PADI2: variants seen among roughly 807,000 people sequenced by gnomAD.
PADI2 encodes the protein protein-arginine deiminase type-2.
PADI2 carries 70 observed loss-of-function variants against 81.1 expected under a neutral mutation model. The observed-to-expected ratio is 0.86, with a 90% CI of 0.71 to 1.05. The LOEUF (loss-of-function observed/expected upper bound fraction) is 1.05, where lower values mean the gene tolerates loss of function less well. Ranked by LOEUF, PADI2 falls within the 50% of genes least tolerant of loss-of-function variation. The probability of loss-of-function intolerance (pLI) is 0.00; values close to 1 mark genes in which losing one functional copy is unlikely to be tolerated. For synonymous variants in PADI2, 338 were observed against 358.0 expected (o/e 0.94, Z 0.63); for missense variants, 853 against 889.9 (o/e 0.96, Z 0.53).
chr1:17,102,899 C>T lies in PADI2; in HGVS notation c.349+88G>A. 5 of 989,008 alleles carry T rather than the reference C, an allele frequency of 5.1e-6. No individual in the cohort carries two copies. In the Middle Eastern group the frequency reaches 1.1e-3, roughly 213 times the overall value. 61.3% of individuals were successfully genotyped at this position (989,008 alleles called of 1,614,324 possible). The stretch of plus-strand genomic sequence containing the variant: ...AGCTCCAAGTGCCAGGTCAGCCGCA[C>T]TGAGAACCGCCTAAGTGCCCCAGAG... On this transcript the variant is annotated intron_variant, in intron 3 of 15. Coordinates refer to ENST00000375486, the MANE Select transcript of PADI2 (RefSeq NM_007365.3).
chr1:17,075,953 T>C, intron 11 of PADI2, 130 bp from the exon 12 acceptor site: 2 of 831,164 alleles, frequency 2.4e-6, no homozygotes, highest in Non-Finnish European at 2.0e-6. Flanking sequence ...GGAAGGAGAC[T>C]AGGTTGGGTT....
At chr1:17,073,525 C>A (rs1376197969) in intron 13 of PADI2, among the ~76,000 whole-genome samples, 2 of 151,038 alleles carry the variant, frequency 1.3e-5, no homozygotes, top group African/African-American at 2.4e-5. Flanking sequence ...GTTAAAATAA[C>A]AAATGTGTTA....
At position 17,115,297 on chromosome 1, in the gene PADI2, C is replaced by T. The variant is rs1163366089; in HGVS notation, c.92+3983G>A. Among the ~76,000 whole-genome samples, 1 of 152,386 alleles carries T rather than the reference C, an allele frequency of 6.6e-6. No homozygotes were observed. The highest frequency in any genetic ancestry group is 2.1e-4 in the South Asian group (1 of 4,834). On this transcript the variant is annotated intron_variant, in intron 1 of 15. Coordinates refer to ENST00000375486, the MANE Select transcript of PADI2 (RefSeq NM_007365.3). This position sits in a 1 kb window ranked among gnomAD's most constrained non-coding sequence, Gnocchi z 4.1. ...CCCAGGGAAGGGAATCCTCCCACCTCCACCTCACAGACGCAGCTGGAACCT... is the reference window on the plus strand; with the variant it reads ...CCCAGGGAAGGGAATCCTCCCACCTTCACCTCACAGACGCAGCTGGAACCT...
At chr1:17,096,245 G>A (rs1353251131) in intron 3 of PADI2, among the ~76,000 whole-genome samples, 1 of 152,242 alleles carries the variant, frequency 6.6e-6, no homozygotes, top group African/African-American at 2.4e-5. Context: ...TGTTCTGGCT[G>A]GGGGTTGGGG....
intron 10 of PADI2, among the ~76,000 whole-genome samples, chr1:17,081,611 G>C (rs1352255033): frequency 1.3e-5 from 2 of 152,226 alleles, no homozygotes; most frequent in African/African-American, 4.8e-5. Context: ...CTTGGGAAAA[G>C]TCCCCTGATC....
chr1:17,104,180 C>T (rs1232748651), intron 2 of PADI2, among the ~76,000 whole-genome samples: 1 of 150,932 alleles, frequency 6.6e-6, no homozygotes, highest in Admixed American at 6.6e-5. Context: ...GTCCCAGCTA[C>T]TCTGGAGGCT....
At chr1:17,089,110 G>A (rs1349044867) in intron 6 of PADI2, among the ~76,000 whole-genome samples, 2 of 152,108 alleles carry the variant, frequency 1.3e-5, no homozygotes, top group Admixed American at 6.6e-5. Context: ...TTACGAGGAT[G>A]TGAAGGAGTT....
intron 3 of PADI2, among the ~76,000 whole-genome samples, chr1:17,100,533 C>G (rs1931105448): frequency 6.6e-6 from 1 of 152,044 alleles, no homozygotes; most frequent in Non-Finnish European, 1.5e-5. Context: ...GATCCGCCCA[C>G]CTCGGCCTCC....
rs753463253 is a variant in PADI2, at chr1:17,088,906, CA to C, written c.656-2208del. On this transcript the variant is annotated intron_variant, in intron 6 of 15. Transcript: ENST00000375486. ...TGGGCGACAGAGCGAGACTCCATCT[CA>C]AAAAAAAAAAAAAAAAAAAAAAAAC... Among the ~76,000 whole-genome samples, 49 of 38,822 alleles carry C rather than the reference CA, an allele frequency of 1.3e-3. No homozygotes were observed. The East Asian group carries it at 0.016, about 13-fold the overall frequency. The allele number at this position is 38,822 out of a possible 152,430, so 25.5% of individuals were successfully genotyped here. A position where few individuals can be genotyped will look rare whatever the true frequency, so the allele number is the denominator to read the frequency against.
chr1:17,105,732 G>A (rs1167210947), intron 1 of PADI2, among the ~76,000 whole-genome samples: 1 of 152,192 alleles, frequency 6.6e-6, no homozygotes, highest in Non-Finnish European at 1.5e-5. Context: ...GGGCAAGTCT[G>A]CAAGGGCCCC....
intron 1 of PADI2, among the ~76,000 whole-genome samples, chr1:17,111,447 T>C (rs1283574301): frequency 1.3e-5 from 2 of 151,866 alleles, no homozygotes; most frequent in East Asian, 3.9e-4. Flanking sequence ...ATAATTACTA[T>C]AAAGGAGGAG....
chr1:17,098,150 C>A (rs1274392939), intron 3 of PADI2, among the ~76,000 whole-genome samples: 2 of 152,152 alleles, frequency 1.3e-5, no homozygotes, highest in Non-Finnish European at 2.9e-5. Context: ...ACTCCGGCTG[C>A]CTGCTCTCTG....
intron 3 of PADI2, among the ~76,000 whole-genome samples, chr1:17,100,581 G>A (rs939670009): frequency 4.6e-5 from 7 of 151,938 alleles, no homozygotes; most frequent in East Asian, 1.9e-4. Flanking sequence ...CACTGTGCCC[G>A]GCCATGACTG....
At position 17,115,904 on chromosome 1, in the gene PADI2, G is replaced by A. The variant is rs1931740903; in HGVS notation, c.92+3376C>T. 6.6e-6 allele frequency among the ~76,000 whole-genome samples: 1 copy of A among 152,192 alleles called. No homozygotes were observed. The highest frequency in any genetic ancestry group is 6.5e-5 in the Admixed American group (1 of 15,286). On this transcript the variant is annotated intron_variant, in intron 1 of 15. Coordinates refer to ENST00000375486, the MANE Select transcript of PADI2 (RefSeq NM_007365.3). The surrounding 1 kb of genome is among the most constrained non-coding windows in gnomAD (Gnocchi z 4.1). ...CTATGTATCTATTCATTGCTTGCTGGAGACTAGCAGTCAGAATGAGGCTAG... is the reference window on the plus strand; with the variant it reads ...CTATGTATCTATTCATTGCTTGCTGAAGACTAGCAGTCAGAATGAGGCTAG...
chr1:17,105,117 GGCTTCAAGAGGAGACTCCT>G, intron 1 of PADI2, 56 bp from the exon 2 acceptor site: 1 of 1,286,236 alleles, frequency 7.8e-7, no homozygotes, highest in South Asian at 1.6e-5. Flanking sequence ...TGGGATGAGG[GGCTTCAAGAGGAGACTCCT>G]GCTTCCAGCA....
chr1:17,104,348 T>C (rs1931266519), intron 2 of PADI2, among the ~76,000 whole-genome samples: 2 of 151,476 alleles, frequency 1.3e-5, no homozygotes, highest in Admixed American at 1.3e-4. Context: ...ATTGATAGCA[T>C]GTCAAAATGA....
chr1:17,086,560 C>G lies in PADI2; in HGVS notation c.795G>C (p.Leu265=). 1.2e-6 allele frequency: 2 copies of G among 1,613,922 alleles called. No homozygotes were observed. Among genetic ancestry groups the G allele is most frequent in the Non-Finnish European group, 1.7e-6 (2 of 1,179,908 alleles). ...LCFPDEGFSG[L]VSIHVSLLEY... is the part of the protein sequence containing the mutation. The stretch of plus-strand genomic sequence containing the variant: ...CCAGCAGGCTGACATGGATGGAGAC[C>G]AGGCCTGAGAAGCCCTCGTCGGGGA... The change falls in exon 7 of 16, where the codon CTG becomes CTC. Residue 265 remains leucine, a synonymous_variant. Coordinates refer to ENST00000375486, the MANE Select transcript of PADI2 (RefSeq NM_007365.3).
Position 17,087,492 on chromosome 1 carries a change from G to GTTTATTTATTTA in PADI2, c.656-805_656-794dup, listed in dbSNP as rs138753770. ...ACAGTCTTTTTATGTTTGTTTGTTT[G>GTTTATTTATTTA]TTTATTTATTTATTTATTTATTTTT... On this transcript the variant is annotated intron_variant, in intron 6 of 15. Transcript: ENST00000375486. Among the ~76,000 whole-genome samples the GTTTATTTATTTA allele has an allele frequency of 2.6e-3, 381 of 148,306 alleles. 3 individuals are homozygous for GTTTATTTATTTA. The highest frequency in any genetic ancestry group is 7.8e-3 in the African/African-American group (314 of 40,178).
intron 1 of PADI2, among the ~76,000 whole-genome samples, chr1:17,113,726 T>C (rs1931663758): frequency 6.6e-6 from 1 of 152,176 alleles, no homozygotes; most frequent in Non-Finnish European, 1.5e-5. Flanking sequence ...TGTCCTGGGC[T>C]CTTGGGTCAA....
Sources: gnomAD v4.1 joint callset for allele counts (sites outside exome capture counted in the v4.1 genomes callset) on GRCh38, gnomAD v4.1.1 for gene constraint, Gnocchi (gnomAD v3.1) non-coding constraint, MANE v1.5 for transcripts, NCBI Gene and HGNC (gene_info 2026-07-23, HGNC 2026-07-21) for gene names.